Variants in CCDC7 observed in about 807,000 individuals in gnomAD.
The protein encoded by CCDC7 is coiled-coil domain containing 7.
CCDC7 carries 183 observed loss-of-function variants against 196.9 expected under a neutral mutation model. The ratio of observed to expected loss-of-function variants is 0.93; its 90% CI spans 0.82 to 1.05. The LOEUF (loss-of-function observed/expected upper bound fraction) is 1.05, where lower values mean the gene tolerates loss of function less well. CCDC7 is among the 50% of genes least tolerant of loss of function. CCDC7 has a pLI of 0.00. For missense variants in CCDC7, 1,540 were observed against 1,482.2 expected, an observed-to-expected ratio of 1.04 and a Z score of -0.64; for synonymous variants, 525 against 484.6, an observed-to-expected ratio of 1.08 and a Z score of -1.10.
At chr10:32,786,775 A>C (rs542553440) in intron 29 of CCDC7, among the ~76,000 whole-genome samples, 1 of 152,300 alleles carries the variant, frequency 6.6e-6, no homozygotes, top group African/African-American at 2.4e-5. Context: ...AACAAACAAA[A>C]AAAGAAACCA....
chr10:32,748,695 GT>G, intron 28 of CCDC7, among the ~76,000 whole-genome samples: 1 of 152,174 alleles, frequency 6.6e-6, no homozygotes, highest in African/African-American at 2.4e-5. Flanking sequence ...GTGCTTCTCA[GT>G]TTTTTCCCTT....
At chr10:32,495,460 T>A (rs2042772205) in intron 9 of CCDC7, among the ~76,000 whole-genome samples, 1 of 152,208 alleles carries the variant, frequency 6.6e-6, no homozygotes. Context: ...CATGAAGTCT[T>A]TACCCATGCC....
At chr10:32,453,365 A>G in exon 2 of CCDC7, 5 of 1,507,456 alleles carry the variant, frequency 3.3e-6, no homozygotes, top group Admixed American at 2.1e-5. Context: ...TTTGGAAGAA[A>G]CCTATGGACA....
chr10:32,592,864 A>G (rs1160589401), intron 18 of CCDC7, among the ~76,000 whole-genome samples: 4 of 152,152 alleles, frequency 2.6e-5, no homozygotes, highest in African/African-American at 9.7e-5. Context: ...CCATGTCCCT[A>G]TAAAGGACAT....
intron 18 of CCDC7, among the ~76,000 whole-genome samples, chr10:32,611,302 T>C (rs190835936): frequency 6.6e-6 from 1 of 152,354 alleles, no homozygotes; most frequent in African/African-American, 2.4e-5. Flanking sequence ...TTTAAGTTCC[T>C]TGTAGATTCT....
At chr10:32,444,144 G>T (rs1189425192), upstream of CCDC7, among the ~76,000 whole-genome samples, 1 of 150,594 alleles carries the variant, frequency 6.6e-6, no homozygotes, top group African/African-American at 2.4e-5. Context: ...GACATAGTGA[G>T]AGCAAATATC....
At chr10:32,552,765 G>T (rs914296025) in intron 13 of CCDC7, among the ~76,000 whole-genome samples, 5 of 152,156 alleles carry the variant, frequency 3.3e-5, no homozygotes. Flanking sequence ...CTTCTAGCTT[G>T]TAGAGTTTCT....
intron 25 of CCDC7, 106 bp downstream of exon 26, chr10:32,711,836 A>T: frequency 1.8e-6 from 1 of 552,116 alleles, no homozygotes; most frequent in South Asian, 2.9e-5. Context: ...TTTTATTGAT[A>T]ATTTATACTC....
rs1324623741 is a variant in CCDC7, at chr10:32,491,841, C to T, written c.797-81C>T. ...CTTTATGTTTGTTTAGCTTTCACAT[C>T]TATAGCAGTTATATTTAGCATAGAG... On this transcript the variant is annotated intron_variant, in intron 8 of 41. Coordinates refer to ENST00000639629, the Ensembl canonical transcript of CCDC7. 1.4e-5 allele frequency: 18 copies of T among 1,326,030 alleles called. No homozygotes were observed. The East Asian group carries it at 4.5e-4, about 33-fold the overall frequency. The allele number at this position is 1,326,030 out of a possible 1,614,324, so 82.1% of individuals were successfully genotyped here.
intron 31 of CCDC7, among the ~76,000 whole-genome samples, chr10:32,824,091 A>T (rs543185311): frequency 1.3e-5 from 2 of 152,144 alleles, no homozygotes; most frequent in Non-Finnish European, 2.9e-5. Context: ...CTATGAAAAA[A>T]AATTGATGTT....
chr10:32,662,107 A>C (rs1379418058), intron 20 of CCDC7, among the ~76,000 whole-genome samples: 1 of 151,978 alleles, frequency 6.6e-6, no homozygotes, highest in Non-Finnish European at 1.5e-5. Flanking sequence ...GTTTAGCTTG[A>C]TTTTTCTTTC....
chr10:32,464,204 A>C (rs1043061140), intron 5 of CCDC7, among the ~76,000 whole-genome samples: 3 of 152,156 alleles, frequency 2.0e-5, no homozygotes, highest in African/African-American at 7.2e-5. Context: ...CATTAACTAA[A>C]TTACTTTTTA....
rs115031907 is a variant in CCDC7 at position 32,848,594 on chromosome 10, A to G, written c.3773-2A>G. 314 of 1,466,592 alleles carry G rather than the reference A, an allele frequency of 2.1e-4. 2 individuals are homozygous for G. The African/African-American group carries it at 3.9e-3, about 18-fold the overall frequency. 90.8% of individuals were successfully genotyped at this position (1,466,592 alleles called of 1,614,324 possible). ...ACTTTTTCTTTTAAAATTTTATTTTAGATGTGAACTTATTTAAAAACAAAG... is the reference window on the plus strand; with the variant it reads ...ACTTTTTCTTTTAAAATTTTATTTTGGATGTGAACTTATTTAAAAACAAAG... On this transcript the variant is annotated splice_acceptor_variant, in intron 38 of 41. Coordinates refer to ENST00000639629, the Ensembl canonical transcript of CCDC7. LOFTEE classifies it high-confidence loss of function.
chr10:32,791,707 A>G (rs2082725549), intron 29 of CCDC7, among the ~76,000 whole-genome samples: 1 of 152,056 alleles, frequency 6.6e-6, no homozygotes, highest in African/African-American at 2.4e-5. Context: ...AAAAGAATGA[A>G]GAACACTAAA....
intron 8 of CCDC7, among the ~76,000 whole-genome samples, chr10:32,475,128 G>A (rs887621965): frequency 6.6e-6 from 1 of 152,132 alleles, no homozygotes. Flanking sequence ...CCTCTCAAGA[G>A]CTCTCTCTTT....
At chr10:32,563,448 A>G (rs1469718844) in intron 13 of CCDC7, among the ~76,000 whole-genome samples, 2 of 152,238 alleles carry the variant, frequency 1.3e-5, no homozygotes, top group Admixed American at 1.3e-4. Context: ...GTACCAAAAC[A>G]GAGATATAGA....
At chr10:32,499,676 C>T (rs1462598802) in intron 9 of CCDC7, among the ~76,000 whole-genome samples, 1 of 150,922 alleles carries the variant, frequency 6.6e-6, no homozygotes, top group Non-Finnish European at 1.5e-5. Context: ...GGTCATAGGA[C>T]AATAGTGGAG....
At chr10:32,724,300 CG>C (rs2142220673) in intron 25 of CCDC7, among the ~76,000 whole-genome samples, 1 of 152,190 alleles carries the variant, frequency 6.6e-6, no homozygotes, top group East Asian at 1.9e-4. Flanking sequence ...ATGGGATCCT[CG>C]GGGTTCTTTT....
intron 11 of CCDC7, among the ~76,000 whole-genome samples, chr10:32,538,768 T>C (rs1476863681): frequency 1.3e-5 from 2 of 152,218 alleles, no homozygotes; most frequent in African/African-American, 4.8e-5. Context: ...TAGTTTTATT[T>C]ATTTGGTGAA....
Sources: allele counts gnomAD v4.1 joint callset (sites outside exome capture counted in the v4.1 genomes callset), GRCh38; gene constraint gnomAD v4.1.1; transcripts MANE v1.5; gene names NCBI Gene and HGNC (gene_info 2026-07-23, HGNC 2026-07-21).